WNK2: variants seen among roughly 807,000 people sequenced by gnomAD.
WNK2 encodes serine/threonine-protein kinase WNK2.
WNK2 carries 67 observed loss-of-function variants against 192.1 expected under a neutral mutation model. The observed-to-expected ratio is 0.35, with a 90% CI of 0.29 to 0.43. The LOEUF (loss-of-function observed/expected upper bound fraction) is 0.43, where lower values mean the gene tolerates loss of function less well. Among genes scored for constraint, WNK2 ranks in the 20% least tolerant of loss-of-function variants. The pLI, the probability that WNK2 is intolerant of heterozygous loss-of-function variation, is 1.00. For synonymous variants in WNK2, 1,439 were observed against 1,393.9 expected (o/e 1.03, Z -0.72); for missense variants, 2,698 against 3,089.7 (o/e 0.87, Z 3.01).
At chr9:93,297,409 C>A (rs991760878) in intron 23 of WNK2, among the ~76,000 whole-genome samples, 1 of 152,214 alleles carries the variant, frequency 6.6e-6, no homozygotes, top group African/African-American at 2.4e-5. Context: ...TGCCGTGTTG[C>A]ATTGGTCTGA....
intron 19 of WNK2, among the ~76,000 whole-genome samples, chr9:93,281,828 A>G (rs1426156654): frequency 6.6e-6 from 1 of 152,256 alleles, no homozygotes; most frequent in Non-Finnish European, 1.5e-5. Flanking sequence ...AACATATGCC[A>G]GTGGACAAGG....
chr9:93,255,160 G>T (rs1843102981), intron 9 of WNK2, among the ~76,000 whole-genome samples: 1 of 152,202 alleles, frequency 6.6e-6, no homozygotes, highest in South Asian at 2.1e-4. Flanking sequence ...AAAGGATGAG[G>T]CCTGGAAGGA....
In WNK2 at chr9:93,247,175, A is replaced by G. The variant is rs1439603476; in HGVS notation, c.1543-368A>G. On this transcript the variant is annotated intron_variant, in intron 7 of 29. Coordinates refer to ENST00000427277, the MANE Select transcript of WNK2 (RefSeq NM_006648.4). The surrounding 1 kb of genome is among the most constrained non-coding windows in gnomAD (Gnocchi z 5.2). ...ACGTTTCAGGAAAATGCTAGCTCCA[A>G]AGCTCCTTGTCACCACTTCTGAGTA... Among the ~76,000 whole-genome samples, 1 of 152,106 alleles carries G rather than the reference A, an allele frequency of 6.6e-6. No individual in the cohort carries two copies. The highest frequency in any genetic ancestry group is 1.5e-5 in the Non-Finnish European group (1 of 68,018).
chr9:93,314,487 G>A (rs893820455), intron 28 of WNK2, among the ~76,000 whole-genome samples: 9 of 151,496 alleles, frequency 5.9e-5, no homozygotes, highest in African/African-American at 2.2e-4. Context: ...CATACCTATA[G>A]TTACAGCTAC....
rs575096337 is a variant in WNK2, at chr9:93,239,083, G to A, written c.1323-674G>A. Among the ~76,000 whole-genome samples, 7 of 152,334 alleles carry A rather than the reference G, an allele frequency of 4.6e-5. No individual in the cohort carries two copies. The South Asian group carries it at 1.5e-3, about 32-fold the overall frequency. On this transcript the variant is annotated intron_variant, in intron 6 of 29. Transcript: ENST00000427277. The surrounding 1 kb of genome is among the most constrained non-coding windows in gnomAD (Gnocchi z 4.2). ...AGGGTAAAGGGGGTTATAGGTTAGT[G>A]GTTAGGGAGGCTTCTTTGGGTGGCC...
chr9:93,246,092 C>T (rs774967306), intron 7 of WNK2, among the ~76,000 whole-genome samples: 1 of 152,206 alleles, frequency 6.6e-6, no homozygotes, highest in Admixed American at 6.5e-5. Context: ...CCCCTCCTGC[C>T]ACCCCCATAT....
rs1845424487 is a variant in WNK2 at position 93,267,909 on chromosome 9, C to G, written c.3860C>G (p.Thr1287Ser). 1 of 1,612,154 alleles carries G rather than the reference C, an allele frequency of 6.2e-7. No homozygotes were observed. ...PPHLSTCGLG[T>S]GEESRQSQAN... ...CACCTCAGCACCTGCGGCCTGGGCACCGGGGAGGTGAGGTTGTGAAATCCG... is the reference window on the plus strand; with the variant it reads ...CACCTCAGCACCTGCGGCCTGGGCAGCGGGGAGGTGAGGTTGTGAAATCCG... Residue 1287 changes from threonine to serine, a missense_variant, in exon 17 of 30, where the codon ACC (threonine) becomes AGC (serine). Thr to Ser is a moderately conservative substitution (Grantham distance 58). Coordinates refer to ENST00000427277, the MANE Select transcript of WNK2 (RefSeq NM_006648.4).
chr9:93,278,019 C>T (rs891956086), intron 19 of WNK2, among the ~76,000 whole-genome samples: 1 of 152,086 alleles, frequency 6.6e-6, no homozygotes, highest in Non-Finnish European at 1.5e-5. Flanking sequence ...CAGAAAACAA[C>T]TTAAAAAGCA....
intron 24 of WNK2, among the ~76,000 whole-genome samples, 151 bp downstream of exon 24, chr9:93,298,218 G>A (rs1850947098): frequency 6.6e-6 from 1 of 152,226 alleles, no homozygotes; most frequent in African/African-American, 2.4e-5. Context: ...CTGGAGCAGG[G>A]GAGTCATTGC....
chr9:93,294,887 G>A (rs928068668), intron 23 of WNK2, among the ~76,000 whole-genome samples: 4 of 152,156 alleles, frequency 2.6e-5, no homozygotes, highest in African/African-American at 4.8e-5. Context: ...GAAGTGTGGG[G>A]ACCTTTTAGG....
intron 28 of WNK2, among the ~76,000 whole-genome samples, chr9:93,311,313 C>A (rs1027881047): frequency 5.3e-5 from 8 of 152,218 alleles, no homozygotes; most frequent in Non-Finnish European, 1.0e-4. Context: ...TCAGGGGAAT[C>A]CTGTTACGGG....
chr9:93,201,994 C>T (rs902476978), intron 2 of WNK2, among the ~76,000 whole-genome samples: 1 of 152,248 alleles, frequency 6.6e-6, no homozygotes, highest in African/African-American at 2.4e-5. Context: ...GCCAACTTTC[C>T]ACCTGGAAAC....
chr9:93,246,365 GGT>G (rs1277384924), intron 7 of WNK2, among the ~76,000 whole-genome samples: 1 of 152,158 alleles, frequency 6.6e-6, no homozygotes. Context: ...CCTTGCTGTG[GGT>G]GTTGTTGCTC....
At chr9:93,217,611 C>T (rs1181531756) in intron 2 of WNK2, among the ~76,000 whole-genome samples, 1 of 152,166 alleles carries the variant, frequency 6.6e-6, no homozygotes, top group East Asian at 1.9e-4. Flanking sequence ...CCTAACCTCA[C>T]CCCCATGCTG....
Position 93,185,379 on chromosome 9 carries a change from C to T in WNK2, c.450C>T (p.Thr150=), listed in dbSNP as rs1275101687. 6.3e-7 allele frequency: 1 copy of T among 1,589,888 alleles called. No homozygotes were observed. The highest frequency in any genetic ancestry group is 8.5e-7 in the Non-Finnish European group (1 of 1,169,846). ...GCCCCAGGGAGGAGGCGGCGGCGAC[C>T]GTGAGGAAGGAGGATGAGGGGGCGG... ...DGGPREEAAA[T]VRKEDEGAAE... Residue 150 remains threonine, a synonymous_variant, in exon 2 of 30, where the codon ACC becomes ACT. Coordinates refer to ENST00000427277, the MANE Select transcript of WNK2 (RefSeq NM_006648.4).
intron 23 of WNK2, among the ~76,000 whole-genome samples, chr9:93,295,417 ATT>A (rs778385175): frequency 2.0e-5 from 3 of 152,010 alleles, no homozygotes; most frequent in Non-Finnish European, 4.4e-5. Flanking sequence ...ATTTTTATTT[ATT>A]TATTTTGTTT....
intron 19 of WNK2, chr9:93,269,055 C>A: frequency 1.0e-6 from 1 of 1,001,664 alleles, no homozygotes; most frequent in Non-Finnish European, 1.5e-6. Flanking sequence ...AACCTGGCAA[C>A]TCCTTGCTCC....
intron 28 of WNK2, among the ~76,000 whole-genome samples, chr9:93,310,337 C>T (rs139177431): frequency 1.3e-5 from 2 of 152,306 alleles, no homozygotes; most frequent in Non-Finnish European, 2.9e-5. Context: ...GCTGCCTGGG[C>T]TCCAGCTATA....
intron 9 of WNK2, among the ~76,000 whole-genome samples, chr9:93,255,816 C>T (rs892558749): frequency 1.3e-5 from 2 of 152,228 alleles, no homozygotes; most frequent in African/African-American, 4.8e-5. Context: ...TCAATGGCAG[C>T]AAATACCCAT....
Sources: gnomAD v4.1 joint callset for allele counts (sites outside exome capture counted in the v4.1 genomes callset) on GRCh38, gnomAD v4.1.1 for gene constraint, Gnocchi (gnomAD v3.1) non-coding constraint, MANE v1.5 for transcripts, NCBI Gene and HGNC (gene_info 2026-07-23, HGNC 2026-07-21) for gene names.